The following AXDND1 variants were observed in gnomAD, a reference collection of about 807,000 sequenced individuals.
AXDND1 encodes axonemal dynein light chain domain-containing protein 1.
Under a neutral mutation model 137.5 loss-of-function variants are expected in AXDND1, and 110 were observed. The ratio of observed to expected loss-of-function variants is 0.80; its 90% CI spans 0.69 to 0.94. The LOEUF (loss-of-function observed/expected upper bound fraction) is 0.94. Ranked by LOEUF, AXDND1 falls within the 40% of genes least tolerant of loss-of-function variation. The pLI is 0.00. For synonymous variants in AXDND1, 414 were observed against 399.7 expected (o/e 1.04, Z -0.43); for missense variants, 1,191 against 1,169.8 (o/e 1.02, Z -0.26).
chr1:179,451,667 G>C (rs1328262555), intron 16 of AXDND1: 1 of 152,190 alleles, frequency 6.6e-6, no homozygotes, highest in Non-Finnish European at 1.5e-5. Context: ...TTCCCATGCT[G>C]TTCTCATGAT....
At chr1:179,504,458 G>A (rs1668339691) in intron 20 of AXDND1, among the ~76,000 whole-genome samples, 1 of 152,080 alleles carries the variant, frequency 6.6e-6, no homozygotes. Flanking sequence ...AGCTCTGTGT[G>A]GCGAGACCAG....
At chr1:179,412,093 C>T (rs1226569591) in intron 12 of AXDND1, among the ~76,000 whole-genome samples, 1 of 152,096 alleles carries the variant, frequency 6.6e-6, no homozygotes, top group Admixed American at 6.6e-5. Context: ...TTAAATCATC[C>T]TCCTGCCTCA....
chr1:179,401,409 C>T (rs546447394), intron 11 of AXDND1, among the ~76,000 whole-genome samples: 7 of 152,198 alleles, frequency 4.6e-5, no homozygotes, highest in Admixed American at 3.9e-4. Context: ...ACACACATTA[C>T]ATCTTGTTTT....
At chr1:179,515,563 T>C (rs1310182990) in intron 21 of AXDND1, among the ~76,000 whole-genome samples, 1 of 152,202 alleles carries the variant, frequency 6.6e-6, no homozygotes, top group Non-Finnish European at 1.5e-5. Flanking sequence ...GTGATGATCT[T>C]TTTGCGATGA....
In AXDND1 at chr1:179,528,391, A is replaced by T; in HGVS notation, c.2675A>T (p.His892Leu). 1 of 1,613,926 alleles carries T rather than the reference A, an allele frequency of 6.2e-7. No homozygotes were observed. The highest frequency in any genetic ancestry group is 8.5e-7 in the Non-Finnish European group (1 of 1,179,818). ...TTCATTGGAGAAGATGAAAATGTTCATTCCAAACCTCTATTTGAAACAGAT... is the reference window on the plus strand; with the variant it reads ...TTCATTGGAGAAGATGAAAATGTTCTTTCCAAACCTCTATTTGAAACAGAT... ...IRFIGEDENV[H>L]SKPLFETDVL... is the part of the protein sequence containing the mutation. Residue 892 changes from histidine to leucine, a missense_variant, in exon 23 of 26, where the codon CAT becomes CTT. By Grantham distance (99) the His-to-Leu change is moderately conservative. Coordinates refer to ENST00000367618, the MANE Select transcript of AXDND1 (RefSeq NM_144696.6).
At chr1:179,476,986 G>A (rs1664717524) in intron 17 of AXDND1, among the ~76,000 whole-genome samples, 1 of 151,694 alleles carries the variant, frequency 6.6e-6, no homozygotes, top group Non-Finnish European at 1.5e-5. Flanking sequence ...TATATGTAAG[G>A]GTGTCCCATA....
intron 15 of AXDND1, among the ~76,000 whole-genome samples, chr1:179,441,691 C>CAGG (rs562841043): frequency 1.6e-3 from 239 of 152,298 alleles, no homozygotes; most frequent in Non-Finnish European, 2.2e-3. Flanking sequence ...AATTGTGGCC[C>CAGG]AGGCACATTT....
intron 16 of AXDND1, among the ~76,000 whole-genome samples, chr1:179,458,421 CATA>C (rs1558209046): frequency 6.6e-6 from 1 of 151,948 alleles, no homozygotes. Flanking sequence ...CCCAGAAAAC[CATA>C]ATGTCAAAAC....
At chr1:179,453,569 G>C (rs1660857646) in intron 16 of AXDND1, 1 of 152,328 alleles carries the variant, frequency 6.6e-6, no homozygotes, top group Non-Finnish European at 1.5e-5. Context: ...GGGAGGCTGA[G>C]GCAGGCGGAT....
In AXDND1 at chr1:179,401,896, G is replaced by A. The variant is rs928822655; in HGVS notation, c.1109+6694G>A. On this transcript the variant is annotated intron_variant, in intron 11 of 25. Coordinates refer to ENST00000367618, the MANE Select transcript of AXDND1 (RefSeq NM_144696.6). ...TTATAAATTATTCAGTCTCGGGGCC[G>A]GGCAAGGTGGCTCAAGCCTGTAATC... is the stretch of plus-strand genomic sequence containing the variant. Among the ~76,000 whole-genome samples the A allele has an allele frequency of 3.9e-5, 6 of 151,986 alleles. No homozygotes were observed. In the South Asian group the frequency reaches 1.0e-3, roughly 26 times the overall value.
intron 21 of AXDND1, among the ~76,000 whole-genome samples, chr1:179,512,608 T>C (rs189627408): frequency 3.4e-4 from 52 of 152,234 alleles, no homozygotes; most frequent in African/African-American, 1.3e-3. Flanking sequence ...AGAATGATAG[T>C]GGTGTTCTGA....
rs71114524 is a variant in AXDND1, at chr1:179,487,995, CA to C, written c.2092-3523del. Among the ~76,000 whole-genome samples, 60 of 101,498 alleles carry C rather than the reference CA, an allele frequency of 5.9e-4. 1 individual carries two copies. Among genetic ancestry groups the C allele is most frequent in the Middle Eastern group, 4.3e-3 (1 of 230 alleles). The allele number at this position is 101,498 out of a possible 152,430, so 66.6% of individuals were successfully genotyped here. A position where few individuals can be genotyped will look rare whatever the true frequency, so the allele number is the denominator to read the frequency against. On this transcript the variant is annotated intron_variant, in intron 18 of 25. Transcript: ENST00000367618. ...TGTGAAACAGAGTGAGACCATGTCT[CA>C]AAAAAAAAAAAAAAAAAAAGAGAAA...
rs1571882821 is a variant in AXDND1, at chr1:179,449,988, A to ATTCTTTTTTT, written c.1798+4786_1798+4787insCTTTTTTTTT. The ATTCTTTTTTT allele has an allele frequency of 3.4e-4, 22 of 65,376 alleles. 2 individuals are homozygous for ATTCTTTTTTT. The highest frequency in any genetic ancestry group is 5.2e-4 in the Non-Finnish European group (19 of 36,192). The allele number at this position is 65,376 out of a possible 1,614,324, so 4.0% of individuals were successfully genotyped here. A position where few individuals can be genotyped will look rare whatever the true frequency, so the allele number is the denominator to read the frequency against. ...TTTTACTAGTTTCTTGCCAATCTGG[A>ATTCTTTTTTT]TTTTTTTTTTTTTTTTTTTTTTTTT... is the stretch of plus-strand genomic sequence containing the variant. On this transcript the variant is annotated intron_variant, in intron 16 of 25. Transcript: ENST00000367618.
Position 179,382,690 on chromosome 1 carries a change from T to C in AXDND1, c.582-10T>C, listed in dbSNP as rs1161668143. 1.3e-6 allele frequency: 2 copies of C among 1,592,638 alleles called. No individual in the cohort carries two copies. Among genetic ancestry groups the C allele is most frequent in the Admixed American group, 1.7e-5 (1 of 59,730 alleles). The stretch of plus-strand genomic sequence containing the variant: ...CTTAAAATAACATTTACCTATCTTA[T>C]TTATTGTAGCAAATACACTACTCTC... On this transcript the variant is annotated splice_polypyrimidine_tract_variant and intron_variant, in intron 6 of 25. Coordinates refer to ENST00000367618, the MANE Select transcript of AXDND1 (RefSeq NM_144696.6).
intron 25 of AXDND1, among the ~76,000 whole-genome samples, chr1:179,549,852 A>C (rs1160188884): frequency 1.3e-5 from 2 of 152,084 alleles, no homozygotes; most frequent in Non-Finnish European, 2.9e-5. Context: ...TAAACCACCT[A>C]TGATCATGCC....
At chr1:179,483,001 T>A (rs1159392937) in intron 17 of AXDND1, 127 bp from the exon 18 acceptor site, 2 of 558,758 alleles carry the variant, frequency 3.6e-6, no homozygotes, top group Non-Finnish European at 6.1e-6. Flanking sequence ...CTTTCCTCAG[T>A]TCTCAAGCAG....
rs549568438 is a variant in AXDND1 at position 179,508,130 on chromosome 1, C to G, written c.2389-1166C>G. 5.3e-5 allele frequency among the ~76,000 whole-genome samples: 8 copies of G among 152,170 alleles called. No homozygotes were observed. In the South Asian group the frequency reaches 1.5e-3, roughly 28 times the overall value. On this transcript the variant is annotated intron_variant, in intron 20 of 25. Coordinates refer to ENST00000367618, the MANE Select transcript of AXDND1 (RefSeq NM_144696.6). ...CCTGTAATCCCAGCATTTTGGGAGGCTGAATTGCTTAAGTCCAGGAGTACA... is the reference window on the plus strand; with the variant it reads ...CCTGTAATCCCAGCATTTTGGGAGGGTGAATTGCTTAAGTCCAGGAGTACA...
At position 179,520,600 on chromosome 1, in the gene AXDND1, C is replaced by A. The variant is rs76862983; in HGVS notation, c.2497-4734C>A. Among the ~76,000 whole-genome samples, 1,317 of 151,886 alleles carry A rather than the reference C, an allele frequency of 8.7e-3. 39 individuals are homozygous for A. Among genetic ancestry groups the A allele is most frequent in the Admixed American group, 0.055 (846 of 15,244 alleles). On this transcript the variant is annotated intron_variant, in intron 21 of 25. Coordinates refer to ENST00000367618, the MANE Select transcript of AXDND1 (RefSeq NM_144696.6). ...CTATTTTTCTATATAACTTTATAAG[C>A]TAGTTCTTAAAAATAAGATTTTTTA...
chr1:179,488,736 CTCTT>C (rs1345564432), intron 18 of AXDND1, among the ~76,000 whole-genome samples: 1 of 111,248 alleles, frequency 9.0e-6, no homozygotes, highest in African/African-American at 3.5e-5. Flanking sequence ...TTCTCTCTCT[CTCTT>C]TCTTTTTTTT....
Sources: gnomAD v4.1 joint callset for allele counts (sites outside exome capture counted in the v4.1 genomes callset) on GRCh38, gnomAD v4.1.1 for gene constraint, MANE v1.5 for transcripts, NCBI Gene and HGNC (gene_info 2026-07-23, HGNC 2026-07-21) for gene names.